The following BMP5 variants were observed in gnomAD, a reference collection of about 807,000 sequenced individuals.
BMP5 encodes the protein bone morphogenetic protein 5.
A neutral mutation model predicts 46.6 loss-of-function variants in BMP5; 23 were observed. That is an observed-to-expected ratio of 0.49 (90% confidence interval 0.35 to 0.70). The LOEUF (loss-of-function observed/expected upper bound fraction) is 0.70. BMP5 is among the 30% of genes least tolerant of loss of function. The pLI, the probability that BMP5 is intolerant of heterozygous loss-of-function variation, is 0.00. For missense variants in BMP5, 545 were observed against 565.6 expected, an observed-to-expected ratio of 0.96 and a Z score of 0.37; for synonymous variants, 204 against 191.9, an observed-to-expected ratio of 1.06 and a Z score of -0.52.
chr6:55,786,238 T>C (rs190668535), intron 3 of BMP5, among the ~76,000 whole-genome samples: 1 of 151,624 alleles, frequency 6.6e-6, no homozygotes, highest in Admixed American at 6.6e-5. Context: ...ACATATAGTG[T>C]TTTTTTATAC....
At chr6:55,868,124 G>T (rs1397080051) in intron 1 of BMP5, among the ~76,000 whole-genome samples, 2 of 152,056 alleles carry the variant, frequency 1.3e-5, no homozygotes, top group Non-Finnish European at 2.9e-5. Context: ...AATAGCTGAA[G>T]GATTTTGTAC....
intron 1 of BMP5, among the ~76,000 whole-genome samples, chr6:55,863,392 T>G (rs1256681774): frequency 6.6e-6 from 1 of 152,198 alleles, no homozygotes; most frequent in Admixed American, 6.5e-5. Context: ...CAGTAATGAT[T>G]CTGCCATTCA....
intron 2 of BMP5, among the ~76,000 whole-genome samples, chr6:55,818,241 G>C (rs909387710): frequency 1.3e-5 from 2 of 149,856 alleles, no homozygotes; most frequent in African/African-American, 2.4e-5. Flanking sequence ...AGCAGCATTA[G>C]TGTCTGGCTT....
At chr6:55,781,941 T>C (rs375503787) in intron 3 of BMP5, among the ~76,000 whole-genome samples, 22 of 152,008 alleles carry the variant, frequency 1.4e-4, no homozygotes, top group African/African-American at 4.8e-4. Context: ...CAAATGATCA[T>C]AGGCTACTTC....
At chr6:55,865,423 G>C (rs750766072) in intron 1 of BMP5, 9 of 505,556 alleles carry the variant, frequency 1.8e-5, no homozygotes, top group African/African-American at 3.9e-5. Context: ...AGTATGAAAA[G>C]CACCTTTCAG....
chr6:55,794,059 C>T (rs913611782), intron 3 of BMP5, among the ~76,000 whole-genome samples: 4 of 152,102 alleles, frequency 2.6e-5, no homozygotes, highest in African/African-American at 7.2e-5. Flanking sequence ...GCAGTACCTA[C>T]GTCTTCTTTA....
chr6:55,834,194 T>C (rs1488621062), intron 1 of BMP5, among the ~76,000 whole-genome samples: 21 of 152,290 alleles, frequency 1.4e-4, no homozygotes, highest in Admixed American at 1.4e-3. Flanking sequence ...TTGAGCATTT[T>C]TTCATCTGTG....
rs1777855323 is a variant in BMP5, at chr6:55,874,482, C to T, written c.384G>A (p.Gln128=). ...TGGTCAGAGGAGTCGTCCGAGATAA[C>T]TGTATGCGACGAGGATACCCATTGG... ...ASPNGYPRRI[Q]LSRTTPLTTQ... is the part of the protein sequence containing the mutation. The change falls in exon 1 of 7, where the codon CAG becomes CAA. Residue 128 remains glutamine (Q), a synonymous_variant. Transcript: ENST00000370830. The T allele has an allele frequency of 1.2e-6, 2 of 1,613,404 alleles. No homozygotes were observed. The highest frequency in any genetic ancestry group is 2.7e-5 in the African/African-American group (2 of 74,968).
intron 1 of BMP5, among the ~76,000 whole-genome samples, chr6:55,836,207 T>G (rs7763169): frequency 0.044 from 6,646 of 152,194 alleles, 461 homozygotes; most frequent in African/African-American, 0.15. Context: ...ATAAATTGAG[T>G]ACTAAAAACA....
rs376054603 is a variant in BMP5 at position 55,808,751 on chromosome 6, C to T, written c.683+10904G>A. On this transcript the variant is annotated intron_variant, in intron 2 of 6. Transcript: ENST00000370830. Reference sequence around the variant, plus strand: ...CCCATGAGGCCCTCAGGTGGGCCACCGCACCCCACTGCTCTTCCTTCCTCT... The same window carrying T: ...CCCATGAGGCCCTCAGGTGGGCCACTGCACCCCACTGCTCTTCCTTCCTCT... Among the ~76,000 whole-genome samples, 65 of 152,288 alleles carry T rather than the reference C, an allele frequency of 4.3e-4. 1 individual carries two copies. The East Asian group carries it at 6.0e-3, about 14-fold the overall frequency.
chr6:55,812,265 A>G (rs2127535699), intron 2 of BMP5, among the ~76,000 whole-genome samples: 1 of 152,368 alleles, frequency 6.6e-6, no homozygotes, highest in Non-Finnish European at 1.5e-5. Flanking sequence ...ACTCCTTTAA[A>G]TTACACACAT....
At chr6:55,843,886 C>A (rs2023522) in intron 1 of BMP5, among the ~76,000 whole-genome samples, 65,687 of 151,688 alleles carry the variant, frequency 0.43, 14,699 homozygotes, top group African/African-American at 0.54. Flanking sequence ...TAAAATACAC[C>A]TTATGACATT....
intron 3 of BMP5, among the ~76,000 whole-genome samples, chr6:55,782,723 G>A (rs932054785): frequency 3.9e-5 from 6 of 152,008 alleles, no homozygotes; most frequent in Admixed American, 2.0e-4. Flanking sequence ...AAAGGATCAG[G>A]GACATTGGGA....
In BMP5 at chr6:55,828,759, G is replaced by A. The variant is rs561951912; in HGVS notation, c.491-8912C>T. On this transcript the variant is annotated intron_variant, in intron 1 of 6. Coordinates refer to ENST00000370830, the MANE Select transcript of BMP5 (RefSeq NM_021073.4). ...TCAATATTTCTCTATGGGGGAAATGGAGTGGGTTTAAGACACAGTTTGTAT... is the reference window on the plus strand; with the variant it reads ...TCAATATTTCTCTATGGGGGAAATGAAGTGGGTTTAAGACACAGTTTGTAT... Among the ~76,000 whole-genome samples the A allele has an allele frequency of 9.2e-5, 14 of 151,856 alleles. No individual in the cohort carries two copies. The East Asian group carries it at 2.7e-3, about 29-fold the overall frequency.
chr6:55,770,348 C>T (rs369191379), intron 4 of BMP5, among the ~76,000 whole-genome samples: 1 of 151,996 alleles, frequency 6.6e-6, no homozygotes, highest in African/African-American at 2.4e-5. Context: ...TTTCCTTAAA[C>T]GTCATGAACC....
intron 2 of BMP5, among the ~76,000 whole-genome samples, chr6:55,805,071 C>T (rs1041287774): frequency 6.6e-6 from 1 of 152,072 alleles, no homozygotes; most frequent in Non-Finnish European, 1.5e-5. Context: ...AACTAATATG[C>T]ACTGGATGGG....
chr6:55,845,511 C>T (rs1777077948), intron 1 of BMP5, among the ~76,000 whole-genome samples: 1 of 152,002 alleles, frequency 6.6e-6, no homozygotes, highest in African/African-American at 2.4e-5. Context: ...AGGTGAGTGT[C>T]TCCTACTACC....
At chr6:55,775,923 A>C (rs2127521978) in intron 3 of BMP5, among the ~76,000 whole-genome samples, 1 of 151,896 alleles carries the variant, frequency 6.6e-6, no homozygotes, top group South Asian at 2.1e-4. Context: ...TTGGTTGAAA[A>C]AAAAAAAAAG....
chr6:55,770,556 G>T (rs1775024454), intron 4 of BMP5, among the ~76,000 whole-genome samples: 1 of 151,802 alleles, frequency 6.6e-6, no homozygotes. Context: ...TATCATTATT[G>T]TGTTGATGAA....
Sources: gnomAD v4.1 joint callset for allele counts (sites outside exome capture counted in the v4.1 genomes callset) on GRCh38, gnomAD v4.1.1 for gene constraint, MANE v1.5 for transcripts, NCBI Gene and HGNC (gene_info 2026-07-23, HGNC 2026-07-21) for gene names.